The following SVIL variants were observed in gnomAD, a reference collection of about 807,000 sequenced individuals.
The protein encoded by SVIL is supervillin.
Under a neutral mutation model 240.4 loss-of-function variants are expected in SVIL, and 101 were observed. The ratio of observed to expected loss-of-function variants is 0.42; its 90% CI spans 0.36 to 0.50. The LOEUF is 0.50. Among genes scored for constraint, SVIL ranks in the 20% least tolerant of loss-of-function variants. SVIL has a pLI of 0.01. For synonymous variants in SVIL, 999 were observed against 1,100.0 expected (o/e 0.91, Z 1.82); for missense variants, 2,512 against 2,818.7 (o/e 0.89, Z 2.46).
chr10:29,640,888 C>A (rs899145917), intron 3 of SVIL, among the ~76,000 whole-genome samples: 1 of 152,172 alleles, frequency 6.6e-6, no homozygotes, highest in African/African-American at 2.4e-5. Flanking sequence ...ACGGCCCCAC[C>A]CTGCCTGCTC....
intron 1 of SVIL, among the ~76,000 whole-genome samples, chr10:29,594,578 A>G (rs1956512471): frequency 6.7e-6 from 1 of 150,326 alleles, no homozygotes; most frequent in Non-Finnish European, 1.5e-5. Flanking sequence ...TTTTTTTGAA[A>G]CATGGTCTCA....
At chr10:29,685,326 G>A (rs568009224) in intron 2 of SVIL, among the ~76,000 whole-genome samples, 8 of 152,280 alleles carry the variant, frequency 5.3e-5, no homozygotes, top group Non-Finnish European at 1.2e-4. Context: ...TACTACCATT[G>A]ATGGGCATTT....
At chr10:29,652,933 T>A (rs368991427) in intron 3 of SVIL, among the ~76,000 whole-genome samples, 14 of 152,322 alleles carry the variant, frequency 9.2e-5, no homozygotes, top group African/African-American at 2.9e-4. Flanking sequence ...TTCTAGATAC[T>A]GTCCTTTATG....
chr10:29,514,126 T>C (rs1386465757), intron 16 of SVIL, among the ~76,000 whole-genome samples: 1 of 152,164 alleles, frequency 6.6e-6, no homozygotes, highest in Non-Finnish European at 1.5e-5. Context: ...ATATCACTAA[T>C]GCATAATCCA....
intron 16 of SVIL, among the ~76,000 whole-genome samples, chr10:29,520,112 T>C (rs965144909): frequency 1.3e-5 from 2 of 152,236 alleles, no homozygotes; most frequent in African/African-American, 4.8e-5. Context: ...GACTTCTTCA[T>C]CAAAAGTCCT....
chr10:29,554,850 A>G lies in SVIL; in HGVS notation c.93T>C (p.Thr31=). 3.1e-6 allele frequency: 5 copies of G among 1,613,568 alleles called. No homozygotes were observed. Among genetic ancestry groups the G allele is most frequent in the Non-Finnish European group, 3.4e-6 (4 of 1,179,714 alleles). Residue 31 remains threonine (T), a synonymous_variant, in exon 5 of 38, where the codon ACT becomes ACC. Transcript: ENST00000355867. ...ILLQSCTGLV[T]HRLLEEDTPR... is the part of the protein sequence containing the mutation. ...GGGTGTCTTCCTCCAGCAGGCGGTG[A>G]GTCACCAATCCTGTGCAGCTCTGCA...
intron 6 of SVIL, among the ~76,000 whole-genome samples, chr10:29,537,460 T>G (rs1589157263): frequency 1.3e-5 from 2 of 152,258 alleles, no homozygotes; most frequent in South Asian, 2.1e-4. Context: ...TAGAGAAACA[T>G]CATGGGTAAG....
chr10:29,598,881 T>G (rs138629504), intron 1 of SVIL, among the ~76,000 whole-genome samples: 1 of 152,152 alleles, frequency 6.6e-6, no homozygotes, highest in Non-Finnish European at 1.5e-5. Flanking sequence ...GAAAAGAAGA[T>G]TGAAACAAGA....
intron 1 of SVIL, among the ~76,000 whole-genome samples, chr10:29,605,765 T>C (rs1307209432): frequency 1.3e-5 from 2 of 149,612 alleles, no homozygotes; most frequent in African/African-American, 4.9e-5. Context: ...TAAATAAATG[T>C]ATATGTGTGT....
chr10:29,560,847 T>TAAAGCATG, intron 3 of SVIL, among the ~76,000 whole-genome samples: 1 of 151,746 alleles, frequency 6.6e-6, no homozygotes, highest in East Asian at 1.9e-4. Flanking sequence ...CTGGCACTTT[T>TAAAGCATG]TTTTTTTTTT....
intron 1 of SVIL, among the ~76,000 whole-genome samples, chr10:29,696,301 A>G (rs1337239746): frequency 6.6e-6 from 1 of 151,952 alleles, no homozygotes; most frequent in Non-Finnish European, 1.5e-5. Context: ...TCGGCTCGCT[A>G]TGGCCTCCAC....
chr10:29,540,478 G>A (rs1225629056), intron 6 of SVIL, among the ~76,000 whole-genome samples: 1 of 152,200 alleles, frequency 6.6e-6, no homozygotes, highest in Non-Finnish European at 1.5e-5. Context: ...GATGCAGATG[G>A]TGAGGTGCAA....
In SVIL at chr10:29,532,548, C is replaced by T. The variant is rs368410621; in HGVS notation, c.1819G>A (p.Ala607Thr). 112 of 1,610,738 alleles carry T rather than the reference C, an allele frequency of 7.0e-5. No individual in the cohort carries two copies. The highest frequency in any genetic ancestry group is 1.5e-4 in the African/African-American group (11 of 74,974). ...ACCTACAGTTCAGGTCTCCTGCAGG[C>T]GTTGGCAGATGCCAGGAACGCACTT... ...LRSAFLASAN[A>T]CRRPELKSRV... The change falls in exon 8 of 38, where the codon GCC becomes ACC. Residue 607 changes from alanine (A) to threonine (T), a missense_variant. By Grantham distance (58) the Ala-to-Thr change is moderately conservative (BLOSUM62 0). Transcript: ENST00000355867.
chr10:29,463,095 C>T (rs947674317), intron 35 of SVIL, among the ~76,000 whole-genome samples: 2 of 152,120 alleles, frequency 1.3e-5, no homozygotes, highest in African/African-American at 4.8e-5. Flanking sequence ...TTGGGGGAGA[C>T]CTCCATTCTC....
chr10:29,593,615 A>C (rs1360422501), intron 1 of SVIL, among the ~76,000 whole-genome samples: 2 of 152,194 alleles, frequency 1.3e-5, no homozygotes, highest in African/African-American at 4.8e-5. Context: ...ATCTCGGGCA[A>C]TTCACCTCTA....
At chr10:29,609,244 T>A (rs757230438) in intron 1 of SVIL, among the ~76,000 whole-genome samples, 2 of 152,204 alleles carry the variant, frequency 1.3e-5, no homozygotes, top group Non-Finnish European at 2.9e-5. Flanking sequence ...CTTGACCAGC[T>A]CGCTGAGCTG....
chr10:29,618,352 C>A, intron 1 of SVIL, among the ~76,000 whole-genome samples: 1 of 152,204 alleles, frequency 6.6e-6, no homozygotes, highest in Non-Finnish European at 1.5e-5. Context: ...ACCGTCTTTT[C>A]TGACTACAAC....
At chr10:29,713,676 A>C (rs2132674342) in intron 1 of SVIL, among the ~76,000 whole-genome samples, 1 of 152,252 alleles carries the variant, frequency 6.6e-6, no homozygotes, top group Non-Finnish European at 1.5e-5. Context: ...GTTCCAATAA[A>C]ACTTTATTTA....
intron 1 of SVIL, among the ~76,000 whole-genome samples, chr10:29,732,624 T>A (rs1305302131): frequency 6.6e-6 from 1 of 152,204 alleles, no homozygotes; most frequent in Non-Finnish European, 1.5e-5. Context: ...TAAGGAAATA[T>A]TTTTGAAATG....
Sources: gnomAD v4.1 joint callset for allele counts (sites outside exome capture counted in the v4.1 genomes callset) on GRCh38, gnomAD v4.1.1 for gene constraint, MANE v1.5 for transcripts, NCBI Gene and HGNC (gene_info 2026-07-23, HGNC 2026-07-21) for gene names.